Variants in PDE12 observed in about 807,000 individuals in gnomAD.
PDE12 encodes the protein 2',5'-phosphodiesterase 12.
A neutral mutation model predicts 45.4 loss-of-function variants in PDE12; 26 were observed. That is an observed-to-expected ratio of 0.57 (90% CI 0.42 to 0.79). PDE12 has a LOEUF of 0.79. Among genes scored for constraint, PDE12 ranks in the 30% least tolerant of loss-of-function variants. The pLI is 0.00. For synonymous variants in PDE12, 283 were observed against 323.9 expected (o/e 0.87, Z 1.36); for missense variants, 668 against 790.0 (o/e 0.85, Z 1.85).
the PDE12 span, among the ~76,000 whole-genome samples, chr3:57,636,754 T>A: frequency 5.5e-4 from 84 of 151,842 alleles, no homozygotes; most frequent in African/African-American, 1.9e-3. Flanking sequence ...CTGGCCAACA[T>A]GGGGAAGCCC....
the PDE12 span, among the ~76,000 whole-genome samples, chr3:57,629,507 CTTTTTTTTTT>C: frequency 1.0e-5 from 1 of 98,228 alleles, no homozygotes; most frequent in Non-Finnish European, 2.0e-5. Flanking sequence ...AATCAGTCCG[CTTTTTTTTTT>C]TTTTTTTTTT....
At chr3:57,613,900 C>CAAAAAAAAAAAAAAAAA in the PDE12 span, among the ~76,000 whole-genome samples, 1 of 59,454 alleles carries the variant, frequency 1.7e-5, no homozygotes, top group African/African-American at 7.6e-5. Context: ...GACTCCATCT[C>CAAAAAAAAAAAAAAAAA]AAAAAAAAAA....
At chr3:57,600,852 C>T in the PDE12 span, 1 of 152,074 alleles carries the variant, frequency 6.6e-6, no homozygotes, top group Non-Finnish European at 1.5e-5. Context: ...AGTGAGATGC[C>T]ATTTCTATTT....
At chr3:57,634,681 T>TA in the PDE12 span, 1 of 1,513,446 alleles carries the variant, frequency 6.6e-7, no homozygotes, top group Non-Finnish European at 8.9e-7. Flanking sequence ...AATATATATT[T>TA]AAAAATCAAT....
the PDE12 span, chr3:57,631,134 G>A: frequency 3.2e-6 from 2 of 620,024 alleles, no homozygotes; most frequent in African/African-American, 3.7e-5. Context: ...GCTAAATTTA[G>A]ACTGACTTGG....
the PDE12 span, among the ~76,000 whole-genome samples, chr3:57,619,272 C>A: frequency 6.6e-6 from 1 of 152,044 alleles, no homozygotes; most frequent in Non-Finnish European, 1.5e-5. Context: ...GGTGTGAACC[C>A]AGGAGGCGGA....
At chr3:57,581,185 T>C in the PDE12 span, among the ~76,000 whole-genome samples, 1 of 152,218 alleles carries the variant, frequency 6.6e-6, no homozygotes, top group Admixed American at 6.5e-5. Flanking sequence ...AGAAACATGG[T>C]TAAAGCTATA....
the PDE12 span, among the ~76,000 whole-genome samples, chr3:57,635,723 T>A: frequency 6.6e-6 from 1 of 152,208 alleles, no homozygotes; most frequent in Non-Finnish European, 1.5e-5. Context: ...CTAAAAAATT[T>A]TAAGAGTATG....
chr3:57,614,113 C>G, the PDE12 span, among the ~76,000 whole-genome samples: 1 of 151,994 alleles, frequency 6.6e-6, no homozygotes, highest in South Asian at 2.1e-4. Flanking sequence ...ATATATACAA[C>G]AAACAGGCAG....
At chr3:57,583,564 A>G in the PDE12 span, among the ~76,000 whole-genome samples, 1 of 152,230 alleles carries the variant, frequency 6.6e-6, no homozygotes, top group African/African-American at 2.4e-5. Context: ...TACATTCATC[A>G]GAAACTACAA....
chr3:57,648,837 C>T, the PDE12 span, among the ~76,000 whole-genome samples: 1 of 152,160 alleles, frequency 6.6e-6, no homozygotes, highest in Non-Finnish European at 1.5e-5. Flanking sequence ...AAACTGGATC[C>T]TCATCTCTCA....
chr3:57,584,286 A>T, the PDE12 span: 5 of 1,147,060 alleles, frequency 4.4e-6, no homozygotes, highest in Non-Finnish European at 5.1e-6. Context: ...CTTCTAAGAT[A>T]ATCAACATGC....
In PDE12 at chr3:57,556,926, C is replaced by G; in HGVS notation, c.547C>G (p.Leu183Val). 1.2e-6 allele frequency: 2 copies of G among 1,614,206 alleles called. No individual in the cohort carries two copies. The highest frequency in any genetic ancestry group is 1.7e-6 in the Non-Finnish European group (2 of 1,180,042). The change falls in exon 1 of 3, where the codon CTC becomes GTC. Residue 183 changes from leucine (L) to valine (V), a missense_variant. Coordinates refer to ENST00000311180, the MANE Select transcript of PDE12 (RefSeq NM_177966.7). This position sits in a 1 kb window ranked among gnomAD's most constrained non-coding sequence, Gnocchi z 5.0. ...GGCCGGGTTCCCTGTGTGCCCCAAA[C>G]TCAGCCTCGAATTTGGGGATCCCGC... Reference protein sequence around the residue: ...IMAGFPVCPKLSLEFGDPASS... With the variant: ...IMAGFPVCPKVSLEFGDPASS...
the PDE12 span, among the ~76,000 whole-genome samples, chr3:57,619,785 G>A: frequency 6.6e-6 from 1 of 152,022 alleles, no homozygotes; most frequent in Non-Finnish European, 1.5e-5. Flanking sequence ...GGGAGGCAGA[G>A]GTTGCAGTGA....
At chr3:57,649,321 CAAG>C in the PDE12 span, among the ~76,000 whole-genome samples, 1 of 152,028 alleles carries the variant, frequency 6.6e-6, no homozygotes, top group African/African-American at 2.4e-5. Flanking sequence ...CTCACTCCTG[CAAG>C]AATAGCCATA....
At chr3:57,621,372 T>C in the PDE12 span, among the ~76,000 whole-genome samples, 17 of 152,312 alleles carry the variant, frequency 1.1e-4, no homozygotes, top group South Asian at 3.3e-3. Flanking sequence ...CCTAGAACTG[T>C]AAAACTGCTA....
chr3:57,635,084 A>G, the PDE12 span, among the ~76,000 whole-genome samples: 49 of 152,338 alleles, frequency 3.2e-4, no homozygotes, highest in Non-Finnish European at 3.1e-4. Flanking sequence ...CTATATGCCA[A>G]ATACATAAAA....
At chr3:57,587,274 G>A in the PDE12 span, among the ~76,000 whole-genome samples, 1 of 145,954 alleles carries the variant, frequency 6.9e-6, no homozygotes, top group African/African-American at 2.5e-5. Flanking sequence ...AGCCGAGATC[G>A]TGCCATTGCA....
chr3:57,614,479 T>A, the PDE12 span, among the ~76,000 whole-genome samples: 5 of 150,152 alleles, frequency 3.3e-5, no homozygotes, highest in African/African-American at 1.2e-4. Flanking sequence ...AGTCATTATA[T>A]AAAAAAGACA....
Sources: gnomAD v4.1 joint callset for allele counts (sites outside exome capture counted in the v4.1 genomes callset) on GRCh38, gnomAD v4.1.1 for gene constraint, Gnocchi (gnomAD v3.1) non-coding constraint, MANE v1.5 for transcripts, NCBI Gene and HGNC (gene_info 2026-07-23, HGNC 2026-07-21) for gene names.